Variants in C2 observed in about 807,000 individuals in gnomAD.
C2 encodes the protein C3/C5 convertase.
C2 carries 64 observed loss-of-function variants against 85.2 expected under a neutral mutation model. The ratio of observed to expected loss-of-function variants is 0.75; its 90% CI spans 0.61 to 0.92. The LOEUF is 0.92. C2 is among the 40% of genes least tolerant of loss of function. The pLI is 0.00. For synonymous variants in C2, 311 were observed against 370.8 expected (o/e 0.84, Z 1.85); for missense variants, 820 against 971.6 (o/e 0.84, Z 2.07).
At chr6:31,923,956 C>A (rs765032970), upstream of C2, among the ~76,000 whole-genome samples, 6 of 151,708 alleles carry the variant, frequency 4.0e-5, no homozygotes, top group Non-Finnish European at 5.9e-5. Context: ...CCTGCCACCG[C>A]GCCCGGCTAA....
At chr6:31,930,560 G>C (rs1379688316) in intron 3 of C2, among the ~76,000 whole-genome samples, 1 of 152,218 alleles carries the variant, frequency 6.6e-6, no homozygotes, top group African/African-American at 2.4e-5. Flanking sequence ...TGAATGGTGA[G>C]GGGCTCTGCT....
upstream of C2, chr6:31,899,882 C>T (rs751947427): frequency 1.3e-6 from 2 of 1,508,630 alleles, no homozygotes; most frequent in East Asian, 2.3e-5. Flanking sequence ...CCTTTTTCCA[C>T]GCAGCCCAGG....
At chr6:31,900,767 A>G (rs1179293658), upstream of C2, 1 of 1,580,864 alleles carries the variant, frequency 6.3e-7, no homozygotes, top group African/African-American at 1.4e-5. The surrounding 1 kb of genome is among the most constrained non-coding windows in gnomAD (Gnocchi z 9.7). Context: ...CTCCAGCTTC[A>G]CTGGCCGCAG....
upstream of C2, chr6:31,927,395 G>T: frequency 1.2e-6 from 1 of 833,780 alleles, no homozygotes; most frequent in Non-Finnish European, 1.7e-6. This position sits in a 1 kb window ranked among gnomAD's most constrained non-coding sequence, Gnocchi z 4.7. Context: ...GTGCATGTGT[G>T]CACACACGAG....
At chr6:31,906,079 C>A (rs546206815) in intron 1 of C2, among the ~76,000 whole-genome samples, 1 of 152,136 alleles carries the variant, frequency 6.6e-6, no homozygotes, top group Admixed American at 6.5e-5. Context: ...ACTTTTAAAT[C>A]CATAGGCTGA....
chr6:31,917,956 A>G (rs1024942382), upstream of C2, among the ~76,000 whole-genome samples: 5 of 152,064 alleles, frequency 3.3e-5, no homozygotes, highest in African/African-American at 1.2e-4. Flanking sequence ...ATGTTCTGAA[A>G]AAAGAAAAAA....
At position 31,945,515 on chromosome 6, in the gene C2, A is replaced by G. The variant is rs985391972; in HGVS notation, c.*158A>G. ...AGAGGCAGCGCACACAAGCTGGGAA[A>G]TCCTCAGGGCTCCTACCAGCAGGAC... On this transcript the variant is annotated 3_prime_UTR_variant, in exon 18 of 18. Coordinates refer to ENST00000299367, the MANE Select transcript of C2 (RefSeq NM_000063.6). The surrounding 1 kb of genome is among the most constrained non-coding windows in gnomAD (Gnocchi z 5.3). 6 of 731,104 alleles carry G rather than the reference A, an allele frequency of 8.2e-6. No individual in the cohort carries two copies. The African/African-American group carries it at 1.0e-4, about 13-fold the overall frequency. 45.3% of individuals were successfully genotyped at this position (731,104 alleles called of 1,614,324 possible). A position where few individuals can be genotyped will look rare whatever the true frequency, so the allele number is the denominator to read the frequency against.
upstream of C2, among the ~76,000 whole-genome samples, chr6:31,923,234 G>A (rs1444734559): frequency 6.6e-6 from 1 of 152,198 alleles, no homozygotes; most frequent in Non-Finnish European, 1.5e-5. Flanking sequence ...ACATTCGACT[G>A]GGCCTCCTGG....
Position 31,944,837 on chromosome 6 carries a change from T to C in C2, c.2013T>C (p.Asp671=). 1 of 1,613,030 alleles carries C rather than the reference T, an allele frequency of 6.2e-7. No homozygotes were observed. The highest frequency in any genetic ancestry group is 8.5e-7 in the Non-Finnish European group (1 of 1,180,002). Reference sequence around the variant, plus strand: ...TCCTATGCAGTGGGACCCAGGAGGATGAGAGTCCCTGCAAGGGTGAGTCCC... The same window carrying C: ...TCCTATGCAGTGGGACCCAGGAGGACGAGAGTCCCTGCAAGGGTGAGTCCC... ...DQFLCSGTQE[D]ESPCKGESGG... is the part of the protein sequence containing the mutation. Residue 671 remains aspartate, a synonymous_variant, in exon 16 of 18, where the codon GAT becomes GAC. Transcript: ENST00000299367. This position sits in a 1 kb window ranked among gnomAD's most constrained non-coding sequence, Gnocchi z 5.1.
chr6:31,901,270 C>G, intron 1 of C2: 1 of 1,612,344 alleles, frequency 6.2e-7, no homozygotes, highest in Non-Finnish European at 8.5e-7. Flanking sequence ...CGTGGCCGGG[C>G]AGCTGGAAGC....
chr6:31,942,751 G>C (rs1770985988), intron 9 of C2, among the ~76,000 whole-genome samples: 1 of 152,212 alleles, frequency 6.6e-6, no homozygotes, highest in Non-Finnish European at 1.5e-5. Flanking sequence ...CTATGGATTT[G>C]AGGAACTTCA....
intron 7 of C2, 42 bp downstream of exon 7, chr6:31,936,103 T>C (rs1770397772): frequency 6.2e-7 from 1 of 1,608,816 alleles, no homozygotes; most frequent in Non-Finnish European, 8.5e-7. Flanking sequence ...GAGGAGAAGA[T>C]GGACCCTCTC....
chr6:31,939,403 C>A, intron 9 of C2, 83 bp downstream of exon 9: 2 of 1,071,566 alleles, frequency 1.9e-6, no homozygotes, highest in African/African-American at 3.1e-5. Context: ...AGCATCTTAG[C>A]TATGGTCCAG....
At chr6:31,909,684 C>T (rs1304619382) in intron 1 of C2, among the ~76,000 whole-genome samples, 1 of 151,340 alleles carries the variant, frequency 6.6e-6, no homozygotes. Context: ...GATCCTCCAG[C>T]CTTAGCTTCC....
intron 1 of C2, among the ~76,000 whole-genome samples, chr6:31,914,659 T>C (rs1380375211): frequency 6.6e-6 from 1 of 150,856 alleles, no homozygotes; most frequent in African/African-American, 2.4e-5. Context: ...ACGCCTGTAA[T>C]CCCAGCACTG....
Position 31,944,484 on chromosome 6 carries a change from C to T in C2, c.1903-243C>T, listed in dbSNP as rs1204509835. Among the ~76,000 whole-genome samples, 1 of 152,198 alleles carries T rather than the reference C, an allele frequency of 6.6e-6. No homozygotes were observed. The highest frequency in any genetic ancestry group is 1.5e-5 in the Non-Finnish European group (1 of 68,026). On this transcript the variant is annotated intron_variant, in intron 15 of 17. Coordinates refer to ENST00000299367, the MANE Select transcript of C2 (RefSeq NM_000063.6). The surrounding 1 kb of genome is among the most constrained non-coding windows in gnomAD (Gnocchi z 5.1). ...GCAACTTCTGCCTCCTGGGTTCAAG[C>T]GATTCTCCTACTTCAGCCTCCCGAG...
Position 31,943,316 on chromosome 6 carries a change from T to G in C2, c.1452T>G (p.Ile484Met). The G allele has an allele frequency of 6.2e-7, 1 of 1,612,680 alleles. No individual in the cohort carries two copies. The highest frequency in any genetic ancestry group is 8.5e-7 in the Non-Finnish European group (1 of 1,179,680). Reference protein sequence around the residue: ...DQERTPWHVTIKPKSQETCRG... With the variant: ...DQERTPWHVTMKPKSQETCRG... ...AGAGGACACCCTGGCATGTCACTAT[T>G]AAGGTACCAGGAAGGAGGGGCAGGG... The change falls in exon 11 of 18, where the codon ATT becomes ATG. Residue 484 changes from isoleucine to methionine, a missense_variant. By Grantham distance (10) the Ile-to-Met change is conservative (BLOSUM62 1). Transcript: ENST00000299367. The surrounding 1 kb of genome is among the most constrained non-coding windows in gnomAD (Gnocchi z 6.4).
At chr6:31,927,030 G>C (rs1028679197), upstream of C2, among the ~76,000 whole-genome samples, 1 of 152,026 alleles carries the variant, frequency 6.6e-6, no homozygotes, top group African/African-American at 2.4e-5. The surrounding 1 kb of genome is among the most constrained non-coding windows in gnomAD (Gnocchi z 4.7). Context: ...TTTGCCAGTT[G>C]GGAATTTCAT....
upstream of C2, chr6:31,927,532 T>C (rs1769348602): frequency 6.8e-7 from 1 of 1,463,290 alleles, no homozygotes; most frequent in Non-Finnish European, 9.0e-7. The surrounding 1 kb of genome is among the most constrained non-coding windows in gnomAD (Gnocchi z 4.7). Context: ...CCTATAGATA[T>C]ATTAGCATCA....
Sources: gnomAD v4.1 joint callset for allele counts (sites outside exome capture counted in the v4.1 genomes callset) on GRCh38, gnomAD v4.1.1 for gene constraint, Gnocchi (gnomAD v3.1) non-coding constraint, MANE v1.5 for transcripts, NCBI Gene and HGNC (gene_info 2026-07-23, HGNC 2026-07-21) for gene names.